TPRG1: variants seen among roughly 807,000 people sequenced by gnomAD.
TPRG1 encodes the protein tumor protein p63-regulated gene 1 protein.
A neutral mutation model predicts 29.3 loss-of-function variants in TPRG1; 29 were observed. The observed-to-expected ratio is 0.99, with a 90% CI of 0.74 to 1.35. The LOEUF is 1.35. Ranked by LOEUF, TPRG1 falls within the 40% of genes most tolerant of loss-of-function variation. The pLI, the probability that TPRG1 is intolerant of heterozygous loss-of-function variation, is 0.00. For missense variants in TPRG1, 327 were observed against 335.0 expected (o/e 0.98, Z 0.19); for synonymous variants, 130 against 116.8 (o/e 1.11, Z -0.73).
intron 4 of TPRG1, among the ~76,000 whole-genome samples, chr3:189,068,070 G>A (rs996228513): frequency 1.3e-5 from 2 of 152,088 alleles, no homozygotes; most frequent in Non-Finnish European, 2.9e-5. Context: ...ATGAAAAGGT[G>A]CTCAATATCA....
At chr3:189,246,391 C>T (rs1026058235) in intron 4 of TPRG1, among the ~76,000 whole-genome samples, 3 of 151,808 alleles carry the variant, frequency 2.0e-5, no homozygotes, top group Non-Finnish European at 2.9e-5. Flanking sequence ...TTTTTTTATC[C>T]GTTTACTTTC....
intron 4 of TPRG1, among the ~76,000 whole-genome samples, chr3:189,150,394 C>T (rs868211061): frequency 2.0e-5 from 3 of 152,056 alleles, no homozygotes; most frequent in Admixed American, 6.6e-5. Flanking sequence ...TGTTGGTCAG[C>T]CTGGTCTTGA....
At chr3:189,067,367 T>C (rs1288796123) in intron 4 of TPRG1, among the ~76,000 whole-genome samples, 2 of 152,098 alleles carry the variant, frequency 1.3e-5, no homozygotes, top group African/African-American at 2.4e-5. Flanking sequence ...GACAAGTCTG[T>C]CCTAAGCAAA....
At chr3:189,304,795 C>A (rs1721373591) in intron 4 of TPRG1, among the ~76,000 whole-genome samples, 2 of 152,238 alleles carry the variant, frequency 1.3e-5, no homozygotes, top group South Asian at 4.2e-4. Flanking sequence ...TGCCTTTCAA[C>A]AATACTTGCT....
At chr3:189,086,614 G>A (rs1307575734) in intron 4 of TPRG1, among the ~76,000 whole-genome samples, 25 of 149,044 alleles carry the variant, frequency 1.7e-4, no homozygotes, top group African/African-American at 2.2e-4. Flanking sequence ...CACAACCTCC[G>A]CCTCCCGGAT....
intron 4 of TPRG1, among the ~76,000 whole-genome samples, chr3:189,241,664 C>A (rs1292956785): frequency 6.6e-6 from 1 of 152,104 alleles, no homozygotes; most frequent in Non-Finnish European, 1.5e-5. Context: ...CCAGAATTTC[C>A]ACATGTTGTG....
At chr3:189,141,869 T>C (rs2108569605) in intron 3 of TPRG1, among the ~76,000 whole-genome samples, 1 of 152,140 alleles carries the variant, frequency 6.6e-6, no homozygotes, top group South Asian at 2.1e-4. Context: ...TAGTAGAAAA[T>C]TAGATGGGGC....
At chr3:189,090,021 T>C (rs1187702823) in intron 4 of TPRG1, among the ~76,000 whole-genome samples, 1 of 152,112 alleles carries the variant, frequency 6.6e-6, no homozygotes, top group Non-Finnish European at 1.5e-5. Context: ...TTTCTATGTA[T>C]TACTTTTCAA....
At chr3:189,017,951 G>C (rs1485515832) in intron 3 of TPRG1, among the ~76,000 whole-genome samples, 1 of 150,886 alleles carries the variant, frequency 6.6e-6, no homozygotes, top group East Asian at 2.0e-4. Context: ...ATCTCATTGT[G>C]GTTTTGATTT....
intron 1 of TPRG1, among the ~76,000 whole-genome samples, chr3:189,175,018 G>C (rs1729293396): frequency 6.6e-6 from 1 of 152,002 alleles, no homozygotes; most frequent in South Asian, 2.1e-4. Flanking sequence ...ATCACCTTTT[G>C]ATCACCTATG....
intron 5 of TPRG1, among the ~76,000 whole-genome samples, chr3:189,319,530 G>A (rs995995069): frequency 2.6e-5 from 4 of 151,462 alleles, no homozygotes; most frequent in African/African-American, 9.7e-5. Flanking sequence ...TGAACCCCCT[G>A]CCCCCCAAAT....
At chr3:189,179,410 G>T (rs903785757) in intron 1 of TPRG1, among the ~76,000 whole-genome samples, 1 of 152,116 alleles carries the variant, frequency 6.6e-6, no homozygotes, top group African/African-American at 2.4e-5. Context: ...TATAAACCTT[G>T]TCTTTCAGCC....
chr3:189,163,293 A>G (rs554572758), intron 5 of TPRG1, among the ~76,000 whole-genome samples: 4 of 152,304 alleles, frequency 2.6e-5, no homozygotes, highest in Admixed American at 2.0e-4. Context: ...AGCAAAACAA[A>G]AAAACATGGG....
At chr3:189,290,077 G>A (rs1718745167) in intron 4 of TPRG1, among the ~76,000 whole-genome samples, 2 of 152,200 alleles carry the variant, frequency 1.3e-5, no homozygotes, top group Non-Finnish European at 2.9e-5. Context: ...TTTATGGCAA[G>A]TGGTCATGGC....
At chr3:189,242,657 C>T (rs927275563) in intron 4 of TPRG1, among the ~76,000 whole-genome samples, 3 of 151,952 alleles carry the variant, frequency 2.0e-5, no homozygotes, top group East Asian at 1.9e-4. Context: ...AATGTTCCCT[C>T]CTCTTTTATT....
chr3:189,144,377 A>G (rs1374736694), intron 3 of TPRG1, among the ~76,000 whole-genome samples: 3 of 152,158 alleles, frequency 2.0e-5, no homozygotes, highest in Non-Finnish European at 2.9e-5. Flanking sequence ...TTAGCCAAAT[A>G]CTCCTCCAGG....
At chr3:189,220,538 A>G (rs1736778178) in intron 3 of TPRG1, among the ~76,000 whole-genome samples, 1 of 152,168 alleles carries the variant, frequency 6.6e-6, no homozygotes, top group Non-Finnish European at 1.5e-5. Flanking sequence ...TCACACAGGT[A>G]CTAAGCCCAG....
At chr3:189,130,351 A>T (rs1722968294) in intron 2 of TPRG1, among the ~76,000 whole-genome samples, 1 of 152,322 alleles carries the variant, frequency 6.6e-6, no homozygotes, top group South Asian at 2.1e-4. Context: ...GAATTCAAAC[A>T]TTGCTCCTCA....
chr3:189,166,786 A>G (rs1041238216), intron 5 of TPRG1, among the ~76,000 whole-genome samples: 1 of 152,224 alleles, frequency 6.6e-6, no homozygotes, highest in Non-Finnish European at 1.5e-5. Context: ...AACTTTAGGT[A>G]GGAAGAAAAA....
Sources: allele counts gnomAD v4.1 joint callset (sites outside exome capture counted in the v4.1 genomes callset), GRCh38; gene constraint gnomAD v4.1.1; transcripts MANE v1.5; gene names NCBI Gene and HGNC (gene_info 2026-07-23, HGNC 2026-07-21).